The following CAMKMT variants were observed in gnomAD, a reference collection of about 807,000 sequenced individuals.
CAMKMT encodes the protein calmodulin-lysine N-methyltransferase.
CAMKMT carries 53 observed loss-of-function variants against 48.0 expected under a neutral mutation model. That is an observed-to-expected ratio of 1.10 (90% CI 0.89 to 1.39). The LOEUF (loss-of-function observed/expected upper bound fraction) is 1.39, where lower values mean the gene tolerates loss of function less well. CAMKMT is among the 40% of genes most tolerant of loss of function. CAMKMT has a pLI of 0.00. For missense variants in CAMKMT, 428 were observed against 402.7 expected (o/e 1.06, Z -0.54); for synonymous variants, 165 against 152.3 (o/e 1.08, Z -0.61).
chr2:44,706,500 A>G (rs1348612144), intron 5 of CAMKMT, among the ~76,000 whole-genome samples, 159 bp downstream of exon 5: 1 of 152,100 alleles, frequency 6.6e-6, no homozygotes, highest in African/African-American at 2.4e-5. Context: ...CTTTCGGATC[A>G]TATTGATTTT....
intron 3 of CAMKMT, among the ~76,000 whole-genome samples, chr2:44,431,219 A>G (rs1684631478): frequency 6.6e-6 from 1 of 152,122 alleles, no homozygotes; most frequent in African/African-American, 2.4e-5. Flanking sequence ...TGGTAAACTG[A>G]TACTTTTTTT....
At chr2:44,690,670 G>C (rs1351693255) in intron 3 of CAMKMT, among the ~76,000 whole-genome samples, 1 of 152,180 alleles carries the variant, frequency 6.6e-6, no homozygotes, top group Non-Finnish European at 1.5e-5. Flanking sequence ...TTCAACAAGT[G>C]ATGCTGCCAC....
At chr2:44,642,966 A>G (rs1011062975) in intron 3 of CAMKMT, among the ~76,000 whole-genome samples, 2 of 152,170 alleles carry the variant, frequency 1.3e-5, no homozygotes, top group African/African-American at 4.8e-5. Flanking sequence ...AGCCTAATGG[A>G]TAATTAAGAA....
intron 3 of CAMKMT, among the ~76,000 whole-genome samples, chr2:44,584,957 A>T (rs564933551): frequency 6.6e-6 from 1 of 152,146 alleles, no homozygotes; most frequent in Non-Finnish European, 1.5e-5. Context: ...TGGGAGGCTG[A>T]GGCAGGAGAA....
intron 3 of CAMKMT, among the ~76,000 whole-genome samples, chr2:44,590,733 G>T (rs1670212560): frequency 6.6e-6 from 1 of 151,992 alleles, no homozygotes; most frequent in Non-Finnish European, 1.5e-5. Flanking sequence ...AGTTTCTTTT[G>T]CTGTGCAGAA....
intron 3 of CAMKMT, among the ~76,000 whole-genome samples, chr2:44,684,394 T>G (rs1242178924): frequency 6.6e-6 from 1 of 152,228 alleles, no homozygotes; most frequent in Non-Finnish European, 1.5e-5. Flanking sequence ...AAATAGTGTA[T>G]TTTGAAAACC....
intron 3 of CAMKMT, among the ~76,000 whole-genome samples, chr2:44,449,593 A>G (rs1377037841): frequency 6.6e-6 from 1 of 152,002 alleles, no homozygotes; most frequent in African/African-American, 2.4e-5. Context: ...TTTTTCACAT[A>G]TGCTTCTTTT....
intron 7 of CAMKMT, chr2:44,723,733 T>C (rs1678621484): frequency 6.6e-6 from 1 of 152,194 alleles, no homozygotes; most frequent in Non-Finnish European, 1.5e-5. Context: ...TCGTAGATGT[T>C]ATGCACTTAC....
intron 3 of CAMKMT, among the ~76,000 whole-genome samples, chr2:44,517,849 G>T (rs1260752428): frequency 6.6e-6 from 1 of 152,190 alleles, no homozygotes; most frequent in African/African-American, 2.4e-5. Context: ...ATAATAAGGG[G>T]TCTTGTTTGA....
chr2:44,533,606 C>A (rs1666605946), intron 3 of CAMKMT, among the ~76,000 whole-genome samples: 1 of 152,110 alleles, frequency 6.6e-6, no homozygotes, highest in Non-Finnish European at 1.5e-5. Flanking sequence ...CCCAGGCATG[C>A]AAAAGCTGAC....
chr2:44,486,094 A>G (rs1482958455), intron 3 of CAMKMT, among the ~76,000 whole-genome samples: 1 of 152,106 alleles, frequency 6.6e-6, no homozygotes, highest in Non-Finnish European at 1.5e-5. Context: ...CCTCCTGAGT[A>G]GCTGGGATTA....
chr2:44,565,009 C>T (rs563532547), intron 3 of CAMKMT, among the ~76,000 whole-genome samples: 2 of 152,350 alleles, frequency 1.3e-5, no homozygotes, highest in African/African-American at 4.8e-5. Context: ...TGTTTCCTCA[C>T]TTGGTCTGCC....
intron 3 of CAMKMT, among the ~76,000 whole-genome samples, chr2:44,495,052 C>T (rs1204535827): frequency 2.6e-5 from 4 of 152,192 alleles, no homozygotes; most frequent in Admixed American, 2.6e-4. Flanking sequence ...TGTCCACATC[C>T]ATGTAATAAA....
intron 3 of CAMKMT, among the ~76,000 whole-genome samples, chr2:44,409,294 A>G (rs78577122): frequency 0.023 from 3,540 of 151,892 alleles, 151 homozygotes; most frequent in African/African-American, 0.082. Flanking sequence ...GTTAGTTGAC[A>G]TTTGGACTCC....
chr2:44,642,545 A>C (rs1191164204), intron 3 of CAMKMT, among the ~76,000 whole-genome samples: 2 of 152,242 alleles, frequency 1.3e-5, no homozygotes, highest in Non-Finnish European at 2.9e-5. Flanking sequence ...ACTGGTTGTC[A>C]GGAAGCATTC....
intron 3 of CAMKMT, among the ~76,000 whole-genome samples, chr2:44,484,260 A>G (rs551398903): frequency 1.3e-5 from 2 of 152,098 alleles, no homozygotes; most frequent in African/African-American, 2.4e-5. Flanking sequence ...TAAAGAACCA[A>G]TAATAGTCAA....
intron 3 of CAMKMT, among the ~76,000 whole-genome samples, chr2:44,436,147 C>G (rs1666235065): frequency 2.6e-5 from 4 of 152,158 alleles, no homozygotes. Context: ...GCAATCTCAG[C>G]TCACTGCAAC....
intron 1 of CAMKMT, among the ~76,000 whole-genome samples, chr2:44,368,143 T>G (rs1678804576): frequency 1.3e-5 from 2 of 152,248 alleles, no homozygotes; most frequent in African/African-American, 4.8e-5. Context: ...GCATTGATAT[T>G]TGACTAAATA....
intron 3 of CAMKMT, among the ~76,000 whole-genome samples, chr2:44,396,019 G>A (rs1681804304): frequency 1.3e-5 from 2 of 152,124 alleles, no homozygotes; most frequent in Admixed American, 6.5e-5. Flanking sequence ...TTTAGTAAGA[G>A]AGGAAAGGAT....
Sources: allele counts gnomAD v4.1 joint callset (sites outside exome capture counted in the v4.1 genomes callset), GRCh38; gene constraint gnomAD v4.1.1; transcripts MANE v1.5; gene names NCBI Gene and HGNC (gene_info 2026-07-23, HGNC 2026-07-21).